Variants in ZNF334 observed in about 807,000 individuals in gnomAD.
ZNF334 encodes zinc finger protein 334.
A neutral mutation model predicts 12.4 loss-of-function variants in ZNF334; 14 were observed. The observed-to-expected ratio is 1.13, with a 90% CI of 0.74 to 1.76. The LOEUF is 1.76. ZNF334 is among the 40% of genes most tolerant of loss of function. The pLI is 0.00. For synonymous variants in ZNF334, 273 were observed against 269.6 expected, an observed-to-expected ratio of 1.01 and a Z score of -0.12; for missense variants, 797 against 804.5, an observed-to-expected ratio of 0.99 and a Z score of 0.11.
Position 46,501,970 on chromosome 20 carries a change from C to T in ZNF334, c.1369G>A (p.Gly457Arg). Residue 457 changes from glycine (G) to arginine (R), a missense_variant, in exon 5 of 5, where the codon GGA becomes AGA. Transcript: ENST00000692313. ...TCATTACATTCATAAGACTTCTTTC[C>T]TCTATGAGTTATCTGATGTGCAATG... ...ALIAHQITHR[G>R]KKSYECNECG... is the part of the protein sequence containing the mutation. 6.2e-7 allele frequency: 1 copy of T among 1,613,944 alleles called. No homozygotes were observed. Among genetic ancestry groups the T allele is most frequent in the Non-Finnish European group, 8.5e-7 (1 of 1,180,024 alleles).
rs74469079 is a variant in ZNF334, at chr20:46,500,823, T to C, written c.*473A>G. On this transcript the variant is annotated 3_prime_UTR_variant, in exon 5 of 5. Coordinates refer to ENST00000692313, the MANE Select transcript of ZNF334 (RefSeq NM_001353824.2). Reference sequence around the variant, plus strand: ...CAGATAAAGGTATACAGTCCACTACTAGAAGACTATGGAGTTAGCAGACAA... The same window carrying C: ...CAGATAAAGGTATACAGTCCACTACCAGAAGACTATGGAGTTAGCAGACAA... The C allele has an allele frequency of 1.2e-3, 218 of 177,948 alleles. 2 individuals carry two copies. The East Asian group carries it at 0.026, about 21-fold the overall frequency. 11.0% of individuals were successfully genotyped at this position (177,948 alleles called of 1,614,324 possible).
the ZNF334 span, among the ~76,000 whole-genome samples, chr20:46,485,965 T>G: frequency 1.3e-5 from 2 of 152,204 alleles, no homozygotes; most frequent in Non-Finnish European, 2.9e-5. Flanking sequence ...TCTATGAAGT[T>G]ATAGTCACTT....
chr20:46,478,892 T>C, the ZNF334 span, among the ~76,000 whole-genome samples: 1 of 152,032 alleles, frequency 6.6e-6, no homozygotes, highest in South Asian at 2.1e-4. Context: ...GGTCATTTGG[T>C]CCCCCTGGCC....
Position 46,502,404 on chromosome 20 carries a change from T to C in ZNF334, c.935A>G (p.Gln312Arg). The C allele has an allele frequency of 1.2e-6, 2 of 1,614,158 alleles. No individual in the cohort carries two copies. Among genetic ancestry groups the C allele is most frequent in the Non-Finnish European group, 1.7e-6 (2 of 1,180,008 alleles). Residue 312 changes from glutamine (Q) to arginine (R), a missense_variant, in exon 5 of 5, where the codon CAG becomes CGG. Physicochemically the swap from Gln to Arg is conservative, Grantham distance 43. Coordinates refer to ENST00000692313, the MANE Select transcript of ZNF334 (RefSeq NM_001353824.2). ...GGATTTCTCCCCTCCATGAATTTTCTGGTGTACAATAAGGGCAGATTTGTC... is the reference window on the plus strand; with the variant it reads ...GGATTTCTCCCCTCCATGAATTTTCCGGTGTACAATAAGGGCAGATTTGTC... The part of the protein sequence containing the change: ...FIDKSALIVH[Q>R]KIHGGEKSYE...
chr20:46,511,886 G>A (rs757037904), intron 2 of ZNF334, among the ~76,000 whole-genome samples, 196 bp downstream of exon 2: 6 of 152,172 alleles, frequency 3.9e-5, no homozygotes, highest in Non-Finnish European at 8.8e-5. Context: ...ATCTCATATT[G>A]TCTGGGCCTT....
rs2061115056 is a variant in ZNF334 at position 46,500,426 on chromosome 20, C to T, written c.*870G>A. 6.6e-6 allele frequency: 1 copy of T among 152,184 alleles called. No individual in the cohort carries two copies. The highest frequency in any genetic ancestry group is 1.5e-5 in the Non-Finnish European group (1 of 68,034). The allele number at this position is 152,184 out of a possible 1,614,324, so 9.4% of individuals were successfully genotyped here. On this transcript the variant is annotated 3_prime_UTR_variant, in exon 5 of 5. Transcript: ENST00000692313. ...ACTTCTAAACAATACCTCTAATGAA[C>T]ATGTTGATTAGGAAATCCAAGAGAT...
At position 46,504,295 on chromosome 20, in the gene ZNF334, T is replaced by C. The variant is rs762355952; in HGVS notation, c.160A>G (p.Ser54Gly). The change falls in exon 4 of 5, where the codon AGC becomes GGC. Residue 54 changes from serine to glycine, a missense_variant. Transcript: ENST00000692313. ...AATTTGAAAATCACATCTGGTTTGC[T>C]AACATGATACCCTGTTAATGGGAAA... ...SNLVSVGYHV[S>G]KPDVIFKLEQ... The C allele has an allele frequency of 5.0e-6, 8 of 1,613,686 alleles. No homozygotes were observed. Among genetic ancestry groups the C allele is most frequent in the Admixed American group, 1.7e-5 (1 of 59,982 alleles).
chr20:46,475,530 A>C, the ZNF334 span, among the ~76,000 whole-genome samples: 1 of 152,270 alleles, frequency 6.6e-6, no homozygotes, highest in Admixed American at 6.5e-5. Flanking sequence ...CATTTGACGA[A>C]GGGTTGGTAT....
chr20:46,503,121 G>A lies in ZNF334; in HGVS notation c.242-24C>T, dbSNP rs756606072. On this transcript the variant is annotated intron_variant, in intron 4 of 4. Coordinates refer to ENST00000692313, the MANE Select transcript of ZNF334 (RefSeq NM_001353824.2). The stretch of plus-strand genomic sequence containing the variant: ...GTCTAGAAAAAGGAACACAATTAAC[G>A]GTAATTGGTGAGCCTTTATATGTTT... 9.0e-6 allele frequency: 14 copies of A among 1,560,528 alleles called. No individual in the cohort carries two copies. In the South Asian group the frequency reaches 1.5e-4, roughly 17 times the overall value.
At chr20:46,497,969 A>G (rs535900962), downstream of ZNF334, among the ~76,000 whole-genome samples, 52 of 150,940 alleles carry the variant, frequency 3.4e-4, 1 homozygote, top group African/African-American at 1.2e-3. Flanking sequence ...TTCCCCGTCT[A>G]TGGAACATTT....
At chr20:46,489,416 C>T in the ZNF334 span, among the ~76,000 whole-genome samples, 1 of 151,984 alleles carries the variant, frequency 6.6e-6, no homozygotes, top group South Asian at 2.1e-4. Flanking sequence ...TACCTGTAAC[C>T]CCACCACTTT....
chr20:46,488,804 G>GT, the ZNF334 span, among the ~76,000 whole-genome samples: 696 of 104,108 alleles, frequency 6.7e-3, 29 homozygotes, highest in East Asian at 0.11. Context: ...CTAGTTAATA[G>GT]TTTTTTTTTT....
the ZNF334 span, chr20:46,464,062 CT>C: frequency 1.6e-6 from 1 of 630,536 alleles, no homozygotes; most frequent in Non-Finnish European, 3.1e-6. Flanking sequence ...ATTGTTCTCT[CT>C]TTCCTCAATG....
chr20:46,504,764 G>T (rs756733875), intron 2 of ZNF334, 24 bp from the exon 3 acceptor site: 21 of 1,578,406 alleles, frequency 1.3e-5, no homozygotes, highest in Non-Finnish European at 1.8e-5. Context: ...TTTAATCTTG[G>T]GTGACCAAAA....
chr20:46,464,441 C>G, the ZNF334 span: 24 of 516,140 alleles, frequency 4.6e-5, no homozygotes, highest in African/African-American at 4.4e-4. Flanking sequence ...GCCACGCTCA[C>G]TGGGGCTGGC....
chr20:46,483,303 T>C, the ZNF334 span, among the ~76,000 whole-genome samples: 2 of 152,268 alleles, frequency 1.3e-5, no homozygotes, highest in Non-Finnish European at 1.5e-5. Flanking sequence ...TTTTTTTTCT[T>C]ATTGATCTGT....
rs1483832480 is a variant in ZNF334 at position 46,501,796 on chromosome 20, TCTC to T, written c.1540_1542del (p.Glu514del). The T allele has an allele frequency of 3.1e-6, 5 of 1,614,178 alleles. No homozygotes were observed. Among genetic ancestry groups the T allele is most frequent in the Non-Finnish European group, 4.2e-6 (5 of 1,180,028 alleles). ...CCATGTTCACTACACTCATAAAGAT[TCTC>T]CTTTGTGTTCATTCTCTTACACTGA... On this transcript the variant is annotated inframe_deletion, in exon 5 of 5. Coordinates refer to ENST00000692313, the MANE Select transcript of ZNF334 (RefSeq NM_001353824.2).
At position 46,502,852 on chromosome 20, in the gene ZNF334, C is replaced by A; in HGVS notation, c.487G>T (p.Asp163Tyr). 1.2e-6 allele frequency: 2 copies of A among 1,613,830 alleles called. No homozygotes were observed. The highest frequency in any genetic ancestry group is 1.7e-6 in the Non-Finnish European group (2 of 1,179,958). The change falls in exon 5 of 5, where the codon GAT becomes TAT. Residue 163 changes from aspartate (D) to tyrosine (Y), a missense_variant. Asp to Tyr is a radical substitution (Grantham distance 160, BLOSUM62 -3). Coordinates refer to ENST00000692313, the MANE Select transcript of ZNF334 (RefSeq NM_001353824.2). The part of the protein sequence containing the change: ...KKSKENRKIP[D>Y]GYSGFGKHEK... ...TGCTTCCCAAATCCACTGTATCCAT[C>A]AGGAATCTTTCTGTTTTCTTTGCTT...
At chr20:46,472,970 C>T in the ZNF334 span, among the ~76,000 whole-genome samples, 1 of 152,122 alleles carries the variant, frequency 6.6e-6, no homozygotes, top group Admixed American at 6.6e-5. Flanking sequence ...ACAGAGAAGT[C>T]GGGGTTGACA....
Sources: allele counts gnomAD v4.1 joint callset (sites outside exome capture counted in the v4.1 genomes callset), GRCh38; gene constraint gnomAD v4.1.1; transcripts MANE v1.5; gene names NCBI Gene and HGNC (gene_info 2026-07-23, HGNC 2026-07-21).